Variants in RAB12 observed in about 807,000 individuals in gnomAD.
The protein encoded by RAB12 is ras-related protein Rab-12.
Under a neutral mutation model 28.4 loss-of-function variants are expected in RAB12, and 11 were observed. The ratio of observed to expected loss-of-function variants is 0.39; its 90% confidence interval spans 0.24 to 0.64. RAB12 has a LOEUF of 0.64. RAB12 is among the 30% of genes least tolerant of loss of function. The probability of loss-of-function intolerance (pLI) is 0.50; values close to 1 mark genes in which losing one functional copy is unlikely to be tolerated. For synonymous variants in RAB12, 138 were observed against 145.3 expected, an observed-to-expected ratio of 0.95 and a Z score of 0.36; for missense variants, 276 against 351.1, an observed-to-expected ratio of 0.79 and a Z score of 1.71.
intron 1 of RAB12, chr18:8,610,159 G>A (rs1278620481): frequency 4.2e-6 from 2 of 479,602 alleles, no homozygotes; most frequent in Non-Finnish European, 7.5e-6. Flanking sequence ...GGGCAGACCT[G>A]CCCTTGGCCC....
At chr18:8,631,403 G>T (rs966819229) in intron 2 of RAB12, among the ~76,000 whole-genome samples, 1 of 152,202 alleles carries the variant, frequency 6.6e-6, no homozygotes, top group African/African-American at 2.4e-5. Context: ...GCTCAGCTCA[G>T]AGAGGTTGAG....
chr18:8,613,563 A>G (rs2096005019), intron 1 of RAB12, among the ~76,000 whole-genome samples: 1 of 152,162 alleles, frequency 6.6e-6, no homozygotes, highest in African/African-American at 2.4e-5. Context: ...TTTTAAAAGT[A>G]TATTTCAAAA....
rs947698096 is a variant in RAB12 at position 8,633,435 on chromosome 18, T to C, written c.714+108T>C. On this transcript the variant is annotated intron_variant, in intron 3 of 5. Coordinates refer to ENST00000649141, the MANE Select transcript of RAB12 (RefSeq NM_001025300.3). ...GTATTGAGCATGTTTTCATATAGAC[T>C]AAACATCATTTAGCCCATATATAGC... 2.3e-6 allele frequency: 3 copies of C among 1,278,446 alleles called. No individual in the cohort carries two copies. In the Admixed American group the frequency reaches 5.9e-5, roughly 25 times the overall value. The allele number at this position is 1,278,446 out of a possible 1,614,324, so 79.2% of individuals were successfully genotyped here. A position where few individuals can be genotyped will look rare whatever the true frequency, so the allele number is the denominator to read the frequency against.
intron 2 of RAB12, among the ~76,000 whole-genome samples, chr18:8,629,170 G>T (rs321667): frequency 0.34 from 51,444 of 152,042 alleles, 11,163 homozygotes; most frequent in African/African-American, 0.62. Flanking sequence ...CCATAACTTG[G>T]GAGGATGGTA....
intron 2 of RAB12, among the ~76,000 whole-genome samples, chr18:8,626,829 A>G (rs1028515434): frequency 2.0e-5 from 3 of 152,246 alleles, no homozygotes; most frequent in Admixed American, 2.0e-4. Flanking sequence ...GCAGCTGTAC[A>G]GCATGGGCAA....
chr18:8,609,832 C>G lies in RAB12; in HGVS notation c.393C>G (p.Pro131=). 1 of 1,566,476 alleles carries G rather than the reference C, an allele frequency of 6.4e-7. No individual in the cohort carries two copies. Among genetic ancestry groups the G allele is most frequent in the South Asian group, 1.2e-5 (1 of 85,358 alleles). ...SGGQGRRRKQ[P]PRPADFKLQV... is the part of the protein sequence containing the mutation. Reference sequence around the variant, plus strand: ...GCCAGGGCCGCCGGAGGAAGCAGCCCCCCAGGCCGGCCGACTTCAAGTTGC... The same window carrying G: ...GCCAGGGCCGCCGGAGGAAGCAGCCGCCCAGGCCGGCCGACTTCAAGTTGC... Residue 131 remains proline, a synonymous_variant, in exon 1 of 6, where the codon CCC becomes CCG. Transcript: ENST00000649141.
At chr18:8,618,064 A>G (rs1001854471) in intron 1 of RAB12, among the ~76,000 whole-genome samples, 2 of 151,988 alleles carry the variant, frequency 1.3e-5, no homozygotes, top group African/African-American at 4.8e-5. Context: ...CTGTCCACTC[A>G]CTCTGCTGGG....
intron 1 of RAB12, among the ~76,000 whole-genome samples, chr18:8,619,608 A>G (rs971904568): frequency 2.0e-5 from 3 of 152,150 alleles, no homozygotes; most frequent in African/African-American, 7.2e-5. Flanking sequence ...GACTTTTATT[A>G]TAATAACCTT....
At position 8,609,790 on chromosome 18, in the gene RAB12, C is replaced by T; in HGVS notation, c.351C>T (p.Ser117=). ...AGGGGGLGAG[S]PALSGGQGRR... ...GCGGCGGCGGTCTGGGCGCGGGCTC[C>T]CCGGCGCTGTCGGGCGGCCAGGGCC... The change falls in exon 1 of 6, where the codon TCC becomes TCT. Residue 117 remains serine, a synonymous_variant. Coordinates refer to ENST00000649141, the MANE Select transcript of RAB12 (RefSeq NM_001025300.3). 1 of 1,388,470 alleles carries T rather than the reference C, an allele frequency of 7.2e-7. No homozygotes were observed. The highest frequency in any genetic ancestry group is 1.5e-5 in the African/African-American group (1 of 65,688). The allele number at this position is 1,388,470 out of a possible 1,614,324, so 86.0% of individuals were successfully genotyped here. A position where few individuals can be genotyped will look rare whatever the true frequency, so the allele number is the denominator to read the frequency against.
chr18:8,632,171 G>A (rs558137764), intron 2 of RAB12, among the ~76,000 whole-genome samples: 3 of 151,884 alleles, frequency 2.0e-5, no homozygotes, highest in South Asian at 2.1e-4. Flanking sequence ...CCAGGTTGTC[G>A]GGAGGCTGAG....
intron 1 of RAB12, among the ~76,000 whole-genome samples, chr18:8,618,108 C>T (rs1177651778): frequency 3.3e-5 from 5 of 152,170 alleles, no homozygotes; most frequent in Non-Finnish European, 5.9e-5. Context: ...GGCCCAGGAC[C>T]TCCAACTGTC....
Position 8,633,272 on chromosome 18 carries a change from T to C in RAB12, c.659T>C (p.Ile220Thr). The change falls in exon 3 of 6, where the codon ATC becomes ACC. Residue 220 changes from isoleucine to threonine, a missense_variant. By Grantham distance (89) the Ile-to-Thr change is moderately conservative. Coordinates refer to ENST00000649141, the MANE Select transcript of RAB12 (RefSeq NM_001025300.3). ...AAGGGGATCATATTAGTATATGATATCACTAAGAAGGAGACATTTGATGAT... is the reference window on the plus strand; with the variant it reads ...AAGGGGATCATATTAGTATATGATACCACTAAGAAGGAGACATTTGATGAT... Reference protein sequence around the residue: ...SAKGIILVYDITKKETFDDLP... With the variant: ...SAKGIILVYDTTKKETFDDLP... 3 of 1,613,502 alleles carry C rather than the reference T, an allele frequency of 1.9e-6. No homozygotes were observed. Among genetic ancestry groups the C allele is most frequent in the Non-Finnish European group, 2.5e-6 (3 of 1,179,452 alleles).
rs1346603317 is a variant in RAB12, at chr18:8,625,007, G to T, written c.575+9G>T. 6.3e-7 allele frequency: 1 copy of T among 1,574,910 alleles called. No individual in the cohort carries two copies. Among genetic ancestry groups the T allele is most frequent in the Non-Finnish European group, 8.7e-7 (1 of 1,144,944 alleles). On this transcript the variant is annotated intron_variant, in intron 2 of 5. Transcript: ENST00000649141. Reference sequence around the variant, plus strand: ...ATTAGATTACAGATCTGGTAAGTGGGAGAGTGTGCACCCAGTAATGTGCTG... The same window carrying T: ...ATTAGATTACAGATCTGGTAAGTGGTAGAGTGTGCACCCAGTAATGTGCTG...
chr18:8,622,138 T>G (rs1194019313), intron 1 of RAB12, among the ~76,000 whole-genome samples: 1 of 152,238 alleles, frequency 6.6e-6, no homozygotes, highest in African/African-American at 2.4e-5. Context: ...TCTAGCTGTT[T>G]CAGGGACTCT....
At chr18:8,622,331 C>T (rs2096010346) in intron 1 of RAB12, among the ~76,000 whole-genome samples, 1 of 152,174 alleles carries the variant, frequency 6.6e-6, no homozygotes, top group Non-Finnish European at 1.5e-5. Context: ...CCCCGTTAGT[C>T]ACGTAGGTTC....
In RAB12 at chr18:8,638,184, T is replaced by G. The variant is rs775608519; in HGVS notation, c.945T>G (p.Asn315Lys). ...ATATTTTAAGGAATGAGTTGTCCAA[T>G]AGTATCCTGTCGTTACAACCAGAGC... is the stretch of plus-strand genomic sequence containing the variant. ...PLDILRNELS[N>K]SILSLQPEPE... The change falls in exon 6 of 6, where the codon AAT becomes AAG. Residue 315 changes from asparagine (N) to lysine (K), a missense_variant. This residue lies in a region of RAB12 where 127 missense variants were observed against 161.4 expected (regional missense o/e 0.79). Coordinates refer to ENST00000649141, the MANE Select transcript of RAB12 (RefSeq NM_001025300.3). The G allele has an allele frequency of 6.2e-7, 1 of 1,613,822 alleles. No individual in the cohort carries two copies.
intron 3 of RAB12, among the ~76,000 whole-genome samples, chr18:8,634,269 A>G (rs1567897381): frequency 2.4e-5 from 2 of 83,738 alleles, no homozygotes; most frequent in African/African-American, 3.5e-5. Flanking sequence ...GTGGGACTCC[A>G]TCTCTCTCTC....
intron 2 of RAB12, among the ~76,000 whole-genome samples, chr18:8,631,919 T>C (rs1186575250): frequency 6.6e-6 from 1 of 152,188 alleles, no homozygotes; most frequent in South Asian, 2.1e-4. Context: ...AAAGTTTTAC[T>C]CTGTAAAGGA....
chr18:8,636,414 T>C, intron 5 of RAB12, 57 bp downstream of exon 5: 1 of 1,078,918 alleles, frequency 9.3e-7, no homozygotes. Flanking sequence ...TTGTTTCCTT[T>C]ATTGCTTTTT....
Sources: allele counts gnomAD v4.1 joint callset (sites outside exome capture counted in the v4.1 genomes callset), GRCh38; gene constraint gnomAD v4.1.1; regional missense constraint gnomAD v4.1.1; transcripts MANE v1.5; gene names NCBI Gene and HGNC (gene_info 2026-07-23, HGNC 2026-07-21).